CLCN5: variants seen among roughly 807,000 people sequenced by gnomAD.
The protein encoded by CLCN5 is Cl-/H+ antiporter 5.
CLCN5 carries 17 observed loss-of-function variants against 54.0 expected under a neutral mutation model. The observed-to-expected ratio is 0.31, with a 90% confidence interval of 0.22 to 0.47. The LOEUF is 0.47. Ranked by LOEUF, CLCN5 falls within the 20% of genes least tolerant of loss-of-function variation. CLCN5 has a pLI of 1.00. For missense variants in CLCN5, 448 were observed against 646.7 expected (o/e 0.69, Z 3.33); for synonymous variants, 222 against 233.0 (o/e 0.95, Z 0.43).
intron 3 of CLCN5, among the ~76,000 whole-genome samples, chrX:50,031,505 A>G (rs781871527): frequency 5.9e-4 from 65 of 110,947 alleles, no homozygotes; most frequent in Non-Finnish European, 5.1e-4. Context: ...CTATTTTCAT[A>G]TTAAGATATT....
chrX:50,049,750 G>A (rs182417023), intron 4 of CLCN5, among the ~76,000 whole-genome samples: 36 of 111,515 alleles, frequency 3.2e-4, no homozygotes, highest in Non-Finnish European at 6.0e-4. Context: ...TCTTTGTGCT[G>A]TGAAGTTCTA....
chrX:50,064,369 GACAA>G (rs1365559592), intron 4 of CLCN5, among the ~76,000 whole-genome samples: 3 of 93,839 alleles, frequency 3.2e-5, no homozygotes, highest in Non-Finnish European at 4.2e-5. Flanking sequence ...ACCAACAACA[GACAA>G]ACAGAGAGCC....
At chrX:50,076,070 T>A (rs1187226290) in intron 7 of CLCN5, 88 bp downstream of exon 7, 1 of 890,559 alleles carries the variant, frequency 1.1e-6, no homozygotes, top group African/African-American at 2.0e-5. Context: ...AATTGCGGAA[T>A]CTTCCTTTAT....
At chrX:50,000,084 G>A (rs1557180145) in intron 3 of CLCN5, among the ~76,000 whole-genome samples, 1 of 110,626 alleles carries the variant, frequency 9.0e-6, no homozygotes, top group African/African-American at 3.3e-5. Flanking sequence ...ACTACAGTGA[G>A]CTTTTTATTT....
chrX:50,037,622 T>G (rs1355885070), intron 3 of CLCN5, among the ~76,000 whole-genome samples: 4 of 111,100 alleles, frequency 3.6e-5, no homozygotes, highest in African/African-American at 1.3e-4. Flanking sequence ...AGAGAAGAGT[T>G]GAGGAAAAGA....
intron 3 of CLCN5, among the ~76,000 whole-genome samples, 181 bp from the exon 4 acceptor site, chrX:50,042,135 T>C (rs137899147): frequency 1.1e-3 from 121 of 112,222 alleles, no homozygotes; most frequent in African/African-American, 3.7e-3. Context: ...GTTTGTTGGG[T>C]ACAGAATTTC....
intron 3 of CLCN5, among the ~76,000 whole-genome samples, chrX:49,984,573 CTCTT>C (rs1187486292): frequency 9.1e-6 from 1 of 110,024 alleles, no homozygotes; most frequent in African/African-American, 3.3e-5. Flanking sequence ...TTCTTTCTCT[CTCTT>C]TCTCTTTCGT....
intron 3 of CLCN5, among the ~76,000 whole-genome samples, chrX:49,989,074 C>CTT (rs67216427): frequency 1.0e-5 from 1 of 97,956 alleles, no homozygotes. Context: ...TATCATACCT[C>CTT]TTTTTTTTTT....
intron 3 of CLCN5, among the ~76,000 whole-genome samples, chrX:50,002,519 G>A (rs1447764383): frequency 8.9e-6 from 1 of 111,742 alleles, no homozygotes; most frequent in Non-Finnish European, 1.9e-5. Flanking sequence ...CAAAATACAT[G>A]TCTAATCTGA....
chrX:50,056,500 G>T (rs782813892), intron 4 of CLCN5, among the ~76,000 whole-genome samples: 1 of 111,589 alleles, frequency 9.0e-6, no homozygotes, highest in Non-Finnish European at 1.9e-5. Flanking sequence ...GTCAAATCTA[G>T]CCCCTTTACT....
At chrX:50,064,563 A>G (rs1557190491) in intron 4 of CLCN5, among the ~76,000 whole-genome samples, 1 of 96,757 alleles carries the variant, frequency 1.0e-5, no homozygotes, top group Non-Finnish European at 2.1e-5. Context: ...AAGAATCAAT[A>G]TCGTGAAAAT....
chrX:49,942,155 T>TC (rs1926380124), intron 3 of CLCN5, among the ~76,000 whole-genome samples: 1 of 71,521 alleles, frequency 1.4e-5, no homozygotes, highest in Admixed American at 1.7e-4. Flanking sequence ...TAAATTAGAA[T>TC]GAATTCGAGT....
intron 7 of CLCN5, 73 bp from the exon 8 acceptor site, chrX:50,080,521 A>G (rs1259550906): frequency 2.1e-6 from 2 of 948,018 alleles, no homozygotes; most frequent in Non-Finnish European, 2.9e-6. Context: ...CTGAAAAAAC[A>G]TTACTCAGAA....
chrX:50,008,509 G>A (rs377356657), intron 3 of CLCN5: 12 of 348,104 alleles, frequency 3.4e-5, no homozygotes, highest in Admixed American at 2.8e-4. Context: ...TTCTGAGAGC[G>A]AGAGCTTCAT....
At chrX:49,977,947 C>T (rs1282968715) in intron 3 of CLCN5, among the ~76,000 whole-genome samples, 1 of 111,904 alleles carries the variant, frequency 8.9e-6, no homozygotes, top group African/African-American at 3.2e-5. Flanking sequence ...GCAAAAGGGT[C>T]TTTTGTGGCC....
chrX:49,922,855 A>C (rs1475730628), intron 1 of CLCN5, 63 bp downstream of exon 1: 19 of 109,479 alleles, frequency 1.7e-4, no homozygotes, highest in African/African-American at 6.0e-4. Flanking sequence ...CCCCCGGCCC[A>C]CCCCCGGAGC....
chrX:50,083,214 C>T (rs782360515), intron 9 of CLCN5, among the ~76,000 whole-genome samples: 1 of 108,461 alleles, frequency 9.2e-6, no homozygotes, highest in South Asian at 3.9e-4. Flanking sequence ...AAAAATTAAC[C>T]ACAAGACCCA....
chrX:50,030,841 G>T (rs1309050874), intron 3 of CLCN5, among the ~76,000 whole-genome samples: 1 of 112,036 alleles, frequency 8.9e-6, no homozygotes, highest in Non-Finnish European at 1.9e-5. Context: ...TTGCATTCCT[G>T]GAATAATTCC....
At chrX:50,009,464 A>C (rs886798301) in intron 3 of CLCN5, among the ~76,000 whole-genome samples, 1 of 111,690 alleles carries the variant, frequency 9.0e-6, no homozygotes, top group Non-Finnish European at 1.9e-5. Flanking sequence ...CTAGGCCCCA[A>C]ATACATCCAG....
Sources: gnomAD v4.1 joint callset for allele counts (sites outside exome capture counted in the v4.1 genomes callset) on GRCh38, gnomAD v4.1.1 for gene constraint, MANE v1.5 for transcripts, NCBI Gene and HGNC (gene_info 2026-07-23, HGNC 2026-07-21) for gene names.